Variants in INTS8 observed in about 807,000 individuals in gnomAD.
INTS8 encodes the protein integrator complex subunit 8, also known as protein kaonashi-1.
INTS8 carries 47 observed loss-of-function variants against 138.9 expected under a neutral mutation model. The ratio of observed to expected loss-of-function variants is 0.34; its 90% CI spans 0.27 to 0.43. The LOEUF (loss-of-function observed/expected upper bound fraction) is 0.43, where lower values mean the gene tolerates loss of function less well. Among genes scored for constraint, INTS8 ranks in the 20% least tolerant of loss-of-function variants. The probability of loss-of-function intolerance (pLI) is 1.00; values close to 1 mark genes in which losing one functional copy is unlikely to be tolerated. For synonymous variants in INTS8, 392 were observed against 400.9 expected, an observed-to-expected ratio of 0.98 and a Z score of 0.27; for missense variants, 996 against 1,173.0, an observed-to-expected ratio of 0.85 and a Z score of 2.20.
At chr8:94,866,966 C>G (rs896340085) in intron 18 of INTS8, 174 bp from the exon 19 acceptor site, 1 of 562,052 alleles carries the variant, frequency 1.8e-6, no homozygotes, top group Non-Finnish European at 3.2e-6. Context: ...CGCCCCGCCC[C>G]CACATGCGAT....
chr8:94,836,067 A>T (rs1435783543), intron 6 of INTS8, among the ~76,000 whole-genome samples: 1 of 152,144 alleles, frequency 6.6e-6, no homozygotes, highest in Non-Finnish European at 1.5e-5. Flanking sequence ...TGGAGAATCC[A>T]TTGTGGTGGT....
At chr8:94,866,223 A>G in intron 18 of INTS8, 32 bp downstream of exon 18, 1 of 1,123,458 alleles carries the variant, frequency 8.9e-7, no homozygotes, top group Non-Finnish European at 1.3e-6. Context: ...TCTAATTACT[A>G]TTGCTGGTTT....
chr8:94,847,930 C>G (rs762533086), intron 10 of INTS8, among the ~76,000 whole-genome samples: 2 of 151,658 alleles, frequency 1.3e-5, no homozygotes, highest in Non-Finnish European at 2.9e-5. Flanking sequence ...AATACATACT[C>G]CAAGATGCTC....
In INTS8 at chr8:94,850,013, C is replaced by A. The variant is rs751860477; in HGVS notation, c.1429C>A (p.Leu477Ile). Residue 477 changes from leucine (L) to isoleucine (I), a missense_variant, in exon 12 of 27, where the codon CTT becomes ATT. By Grantham distance (5) the Leu-to-Ile change is conservative. Transcript: ENST00000523731. ...GTTGAAAGATGAAGAACGAAAGCTACTTGTTGATCAGATGAGGAAGAGATC... is the reference window on the plus strand; with the variant it reads ...GTTGAAAGATGAAGAACGAAAGCTAATTGTTGATCAGATGAGGAAGAGATC... Reference protein sequence around the residue: ...TLLKDEERKLLVDQMRKRSPR... With the variant: ...TLLKDEERKLIVDQMRKRSPR... The A allele has an allele frequency of 1.9e-6, 3 of 1,613,154 alleles. No homozygotes were observed. In the East Asian group the frequency reaches 6.7e-5, roughly 36 times the overall value.
chr8:94,829,091 CT>C, intron 5 of INTS8, 65 bp downstream of exon 5: 6 of 1,199,332 alleles, frequency 5.0e-6, no homozygotes, highest in South Asian at 2.6e-5. Flanking sequence ...AGTTCCCAAC[CT>C]TTTTGGCACC....
chr8:94,856,980 T>C lies in INTS8; in HGVS notation c.1954+2T>C, dbSNP rs1472311430. On this transcript the variant is annotated splice_donor_variant, in intron 15 of 26. Transcript: ENST00000523731. LOFTEE classifies it high-confidence loss of function. ...GCTATCTGGAAATGAGGCTTCCTGG[T>C]AAGACTGGTTCACAAAGACAAATTT... 1 of 1,611,356 alleles carries C rather than the reference T, an allele frequency of 6.2e-7. No individual in the cohort carries two copies. Among genetic ancestry groups the C allele is most frequent in the Non-Finnish European group, 8.5e-7 (1 of 1,177,904 alleles).
At chr8:94,825,193 A>G (rs1159928871) in intron 2 of INTS8, 126 bp downstream of exon 2, 3 of 606,706 alleles carry the variant, frequency 4.9e-6, no homozygotes, top group Non-Finnish European at 8.3e-6. Context: ...CACGCCTATA[A>G]TAATCCCGGC....
intron 14 of INTS8, among the ~76,000 whole-genome samples, chr8:94,856,304 G>A (rs1432387142): frequency 6.6e-6 from 1 of 152,154 alleles, no homozygotes; most frequent in Non-Finnish European, 1.5e-5. Flanking sequence ...ATAGTCTTTG[G>A]AAACATAAGA....
At chr8:94,859,392 G>A in intron 15 of INTS8, 119 bp from the exon 16 acceptor site, 2 of 946,284 alleles carry the variant, frequency 2.1e-6, no homozygotes, top group Non-Finnish European at 3.1e-6. Flanking sequence ...GGGATTACAG[G>A]TGTGAGCCAC....
chr8:94,836,503 T>C (rs756639874), intron 6 of INTS8, 21 bp from the exon 7 acceptor site: 13 of 1,579,490 alleles, frequency 8.2e-6, no homozygotes, highest in Non-Finnish European at 1.1e-5. Flanking sequence ...TTAAGCAAAT[T>C]GGTGTTCATT....
chr8:94,849,899 A>T lies in INTS8; in HGVS notation c.1332-17A>T. 1 of 1,565,476 alleles carries T rather than the reference A, an allele frequency of 6.4e-7. No homozygotes were observed. ...ATTATACACTTTTTTGTTTTACAAT[A>T]TTTCTTACTGATCTAGGAATGTGTG... On this transcript the variant is annotated splice_polypyrimidine_tract_variant and intron_variant, in intron 11 of 26. Coordinates refer to ENST00000523731, the MANE Select transcript of INTS8 (RefSeq NM_017864.4).
Position 94,828,969 on chromosome 8 carries a change from T to G in INTS8, c.519-6T>G, listed in dbSNP as rs538930900. The G allele has an allele frequency of 1.3e-6, 2 of 1,584,006 alleles. No homozygotes were observed. The highest frequency in any genetic ancestry group is 2.7e-5 in the African/African-American group (2 of 73,998). On this transcript the variant is annotated splice_region_variant and splice_polypyrimidine_tract_variant and intron_variant, in intron 4 of 26. Transcript: ENST00000523731. ...ATACTTTTGTTTTCAATTGTTTCTCTTTTAGTATGAATCAAATGCAACAGG... is the reference window on the plus strand; with the variant it reads ...ATACTTTTGTTTTCAATTGTTTCTCGTTTAGTATGAATCAAATGCAACAGG...
Position 94,843,920 on chromosome 8 carries a change from G to T in INTS8, c.1260+1432G>T, listed in dbSNP as rs1408048758. 2.0e-5 allele frequency among the ~76,000 whole-genome samples: 3 copies of T among 150,692 alleles called. No individual in the cohort carries two copies. The East Asian group carries it at 5.9e-4, about 29-fold the overall frequency. On this transcript the variant is annotated intron_variant, in intron 10 of 26. Transcript: ENST00000523731. ...GGTTGTATAACAGTACCTCATTGAG[G>T]TTTTCATTTCTACAACTCTTCATTT...
intron 7 of INTS8, among the ~76,000 whole-genome samples, chr8:94,837,751 A>G (rs370620791): frequency 6.6e-6 from 1 of 152,132 alleles, no homozygotes; most frequent in Non-Finnish European, 1.5e-5. Flanking sequence ...AATGATGTCC[A>G]CCTTTTGTAT....
At chr8:94,848,013 C>CTTTTTTTTTT (rs58388097) in intron 10 of INTS8, among the ~76,000 whole-genome samples, 4 of 129,994 alleles carry the variant, frequency 3.1e-5, no homozygotes, top group Non-Finnish European at 3.3e-5. Flanking sequence ...TAAAACACTG[C>CTTTTTTTTTT]TTTTTTTTTT....
chr8:94,832,228 T>C, intron 6 of INTS8, 54 bp downstream of exon 6: 4 of 1,273,174 alleles, frequency 3.1e-6, no homozygotes, highest in Non-Finnish European at 4.5e-6. Flanking sequence ...AATCTTAATA[T>C]GAGATCATCC....
chr8:94,832,565 A>G (rs559463551), intron 6 of INTS8, among the ~76,000 whole-genome samples: 26 of 152,262 alleles, frequency 1.7e-4, no homozygotes, highest in African/African-American at 5.5e-4. Flanking sequence ...CTTTTCAGGG[A>G]TCTTAAGTTT....
Position 94,880,180 on chromosome 8 carries a change from A to G in INTS8, c.2934A>G (p.Ala978=), listed in dbSNP as rs776507342. The G allele has an allele frequency of 2.5e-5, 41 of 1,611,742 alleles. 1 individual carries two copies. The East Asian group carries it at 7.4e-4, about 29-fold the overall frequency. ...ASNPEEVLQL[A]AQRRKKKFLQ... ...ATCCAGAAGAAGTGTTACAGCTGGC[A>G]GCGCAGAGAAGGAAAAAAAAGTTTC... is the stretch of plus-strand genomic sequence containing the variant. Residue 978 remains alanine, a synonymous_variant, in exon 27 of 27, where the codon GCA becomes GCG. Coordinates refer to ENST00000523731, the MANE Select transcript of INTS8 (RefSeq NM_017864.4).
rs568382868 is a variant in INTS8, at chr8:94,880,837, C to CTTAAG, written c.*606_*610dup. ...CTCATATAAATAGTTTGAAAGGGTA[C>CTTAAG]TTAAGTTTTTCACCCAAATTGTGAT... is the stretch of plus-strand genomic sequence containing the variant. On this transcript the variant is annotated 3_prime_UTR_variant, in exon 27 of 27. Coordinates refer to ENST00000523731, the MANE Select transcript of INTS8 (RefSeq NM_017864.4). 2.0e-4 allele frequency: 80 copies of CTTAAG among 398,432 alleles called. No individual in the cohort carries two copies. The highest frequency in any genetic ancestry group is 1.5e-3 in the African/African-American group (71 of 48,656). The allele number at this position is 398,432 out of a possible 1,614,324, so 24.7% of individuals were successfully genotyped here. A position where few individuals can be genotyped will look rare whatever the true frequency, so the allele number is the denominator to read the frequency against.
Sources: gnomAD v4.1 joint callset for allele counts (sites outside exome capture counted in the v4.1 genomes callset) on GRCh38, gnomAD v4.1.1 for gene constraint, MANE v1.5 for transcripts, NCBI Gene and HGNC (gene_info 2026-07-23, HGNC 2026-07-21) for gene names.